The following ZFR variants were observed in gnomAD, a reference collection of about 807,000 sequenced individuals.
ZFR encodes the protein zinc finger RNA-binding protein.
ZFR carries 19 observed loss-of-function variants against 130.7 expected under a neutral mutation model. That is an observed-to-expected ratio of 0.15 (90% CI 0.10 to 0.21). ZFR has a LOEUF of 0.21. Ranked by LOEUF, ZFR falls within the 10% of genes least tolerant of loss-of-function variation. The probability of loss-of-function intolerance (pLI) is 1.00; values close to 1 mark genes in which losing one functional copy is unlikely to be tolerated. For missense variants in ZFR, 872 were observed against 1,321.5 expected (o/e 0.66, Z 5.27); for synonymous variants, 466 against 456.9 (o/e 1.02, Z -0.25).
intron 19 of ZFR, among the ~76,000 whole-genome samples, chr5:32,363,349 AGAT>A (rs745514675): frequency 6.0e-4 from 91 of 152,202 alleles, no homozygotes; most frequent in Non-Finnish European, 9.0e-4. Flanking sequence ...AGGGTTAATA[AGAT>A]GATAATACTA....
At chr5:32,412,233 C>T (rs963202163) in intron 5 of ZFR, among the ~76,000 whole-genome samples, 6 of 152,158 alleles carry the variant, frequency 3.9e-5, no homozygotes, top group Non-Finnish European at 5.9e-5. Flanking sequence ...TAGGAATAAA[C>T]AAACATTACT....
At chr5:32,429,277 C>T (rs971456384) in intron 2 of ZFR, among the ~76,000 whole-genome samples, 7 of 152,254 alleles carry the variant, frequency 4.6e-5, no homozygotes, top group South Asian at 4.1e-4. Flanking sequence ...TGAGCCACTG[C>T]GTCTGGCCTC....
rs1053988165 is a variant in ZFR, at chr5:32,363,873, C to G, written c.3045+75G>C. The G allele has an allele frequency of 4.9e-6, 6 of 1,235,354 alleles. No individual in the cohort carries two copies. The African/African-American group carries it at 6.0e-5, about 12-fold the overall frequency. The allele number at this position is 1,235,354 out of a possible 1,614,324, so 76.5% of individuals were successfully genotyped here. A position where few individuals can be genotyped will look rare whatever the true frequency, so the allele number is the denominator to read the frequency against. On this transcript the variant is annotated intron_variant, in intron 19 of 19. Transcript: ENST00000265069. The stretch of plus-strand genomic sequence containing the variant: ...ATATTATATAGTGACTTATAATATT[C>G]CTTAAGACAATAACAGAAAAATAAA...
intron 19 of ZFR, among the ~76,000 whole-genome samples, chr5:32,359,725 T>C (rs946701305): frequency 9.9e-5 from 15 of 152,186 alleles, no homozygotes; most frequent in African/African-American, 2.9e-4. Context: ...CCAAGGTGGG[T>C]GGACCACGAG....
At chr5:32,392,509 G>GA (rs1189187660) in intron 11 of ZFR, among the ~76,000 whole-genome samples, 35 of 152,124 alleles carry the variant, frequency 2.3e-4, no homozygotes, top group African/African-American at 7.0e-4. Context: ...CAACACATAA[G>GA]AAAAAACAAG....
chr5:32,371,771 C>T (rs1752673306), intron 17 of ZFR, among the ~76,000 whole-genome samples: 2 of 151,408 alleles, frequency 1.3e-5, no homozygotes, highest in South Asian at 4.2e-4. Flanking sequence ...TAATCATTCA[C>T]ATCTAACTAT....
Position 32,444,263 on chromosome 5 carries a change from C to T in ZFR, c.103G>A (p.Gly35Arg). Residue 35 changes from glycine (G) to arginine (R), a missense_variant, in exon 2 of 20, where the codon GGG (glycine) becomes AGG (arginine). Around this residue, in one of 7 missense-constraint regions of ZFR, gnomAD observed 240 missense variants for 441.2 expected, o/e 0.54. Coordinates refer to ENST00000265069, the MANE Select transcript of ZFR (RefSeq NM_016107.5). Reference protein sequence around the residue: ...TGNYFGFTHSGAAAAAAAAQY... With the variant: ...TGNYFGFTHSRAAAAAAAAQY... ...GCCGCAGCCGCCGCCGCCGCCGCCC[C>T]GCTGTGGGTGAATCCAAAGTAGTTG... The T allele has an allele frequency of 6.4e-7, 1 of 1,566,760 alleles. No homozygotes were observed. The highest frequency in any genetic ancestry group is 8.6e-7 in the Non-Finnish European group (1 of 1,157,780).
chr5:32,414,599 A>C (rs1753778504), intron 5 of ZFR, among the ~76,000 whole-genome samples: 1 of 152,214 alleles, frequency 6.6e-6, no homozygotes, highest in African/African-American at 2.4e-5. Context: ...AATAAACAGA[A>C]ATAATTTGTC....
rs145347426 is a variant in ZFR, at chr5:32,432,308, G to A, written c.137+11921C>T. Among the ~76,000 whole-genome samples the A allele has an allele frequency of 1.7e-4, 26 of 152,148 alleles. No homozygotes were observed. The East Asian group carries it at 4.1e-3, about 24-fold the overall frequency. On this transcript the variant is annotated intron_variant, in intron 2 of 19. Coordinates refer to ENST00000265069, the MANE Select transcript of ZFR (RefSeq NM_016107.5). Reference sequence around the variant, plus strand: ...GTCCATATACCTTTCAGGGCAATACGGAATAAAAAATTGGGTTTACTATAA... The same window carrying A: ...GTCCATATACCTTTCAGGGCAATACAGAATAAAAAATTGGGTTTACTATAA...
At chr5:32,413,826 A>G (rs1400542994) in intron 5 of ZFR, among the ~76,000 whole-genome samples, 2 of 152,182 alleles carry the variant, frequency 1.3e-5, no homozygotes, top group Non-Finnish European at 2.9e-5. Context: ...GATCTTAACA[A>G]AAGATTTCTT....
At chr5:32,420,250 A>G in intron 2 of ZFR, 147 bp from the exon 3 acceptor site, 1 of 827,778 alleles carries the variant, frequency 1.2e-6, no homozygotes, top group African/African-American at 1.7e-5. Context: ...ACTTGAACTC[A>G]ATAAACTTCC....
intron 19 of ZFR, among the ~76,000 whole-genome samples, chr5:32,362,463 G>A (rs139848167): frequency 2.4e-4 from 37 of 152,240 alleles, no homozygotes; most frequent in African/African-American, 8.9e-4. Flanking sequence ...AAAACTAACC[G>A]AAATTGACAC....
At chr5:32,383,264 T>C (rs1272452545) in intron 15 of ZFR, among the ~76,000 whole-genome samples, 1 of 152,206 alleles carries the variant, frequency 6.6e-6, no homozygotes, top group African/African-American at 2.4e-5. Context: ...CACTGAGCTT[T>C]TGAAAACCTT....
At chr5:32,371,729 A>G (rs1387540301) in intron 17 of ZFR, among the ~76,000 whole-genome samples, 3 of 152,200 alleles carry the variant, frequency 2.0e-5, no homozygotes, top group Non-Finnish European at 4.4e-5. Context: ...GAACAGAAGC[A>G]ATCAGGAAAT....
intron 8 of ZFR, among the ~76,000 whole-genome samples, chr5:32,400,741 C>G (rs1045249156): frequency 9.9e-5 from 15 of 152,110 alleles, no homozygotes; most frequent in African/African-American, 2.9e-4. Context: ...GCAGTCCTAG[C>G]TACTTGTGGG....
At chr5:32,386,123 A>G (rs1753041161) in intron 14 of ZFR, among the ~76,000 whole-genome samples, 1 of 152,106 alleles carries the variant, frequency 6.6e-6, no homozygotes, top group Non-Finnish European at 1.5e-5. Context: ...GACAGGTAAT[A>G]AGCTCCATTT....
rs1165353154 is a variant in ZFR at position 32,390,520 on chromosome 5, TA to T, written c.1980-84del. 1.6e-5 allele frequency: 22 copies of T among 1,347,418 alleles called. 1 individual carries two copies. The South Asian group carries it at 2.9e-4, about 18-fold the overall frequency. The allele number at this position is 1,347,418 out of a possible 1,614,324, so 83.5% of individuals were successfully genotyped here. On this transcript the variant is annotated intron_variant, in intron 11 of 19. Coordinates refer to ENST00000265069, the MANE Select transcript of ZFR (RefSeq NM_016107.5). The stretch of plus-strand genomic sequence containing the variant: ...GCATCAATAGTGACATAAAAAGCAA[TA>T]AAAAACCCCACCAACATCAGCCTAG...
intron 2 of ZFR, among the ~76,000 whole-genome samples, chr5:32,424,231 G>A (rs1353584442): frequency 6.6e-6 from 1 of 152,176 alleles, no homozygotes; most frequent in Non-Finnish European, 1.5e-5. Context: ...CAAATTTTAA[G>A]AAATGACAAC....
intron 17 of ZFR, among the ~76,000 whole-genome samples, chr5:32,374,725 A>AAGC (rs78801586): frequency 2.6e-5 from 4 of 151,050 alleles, no homozygotes; most frequent in Admixed American, 1.3e-4. Context: ...ACAAACAAGC[A>AAGC]AAAAAAAATC....
Sources: allele counts gnomAD v4.1 joint callset (sites outside exome capture counted in the v4.1 genomes callset), GRCh38; gene constraint gnomAD v4.1.1; regional missense constraint gnomAD v4.1.1; transcripts MANE v1.5; gene names NCBI Gene and HGNC (gene_info 2026-07-23, HGNC 2026-07-21).